Variants in HEATR4 observed in about 807,000 individuals in gnomAD.
The protein encoded by HEATR4 is HEAT repeat containing 4.
In HEATR4, 95 loss-of-function variants were observed where a neutral mutation model predicts 108.8. The ratio of observed to expected loss-of-function variants is 0.87; its 90% CI spans 0.74 to 1.04. The LOEUF (loss-of-function observed/expected upper bound fraction) is 1.04, where lower values mean the gene tolerates loss of function less well. HEATR4 is among the 50% of genes least tolerant of loss of function. HEATR4 has a pLI of 0.00. For synonymous variants in HEATR4, 443 were observed against 459.4 expected, an observed-to-expected ratio of 0.96 and a Z score of 0.46; for missense variants, 1,152 against 1,253.8, an observed-to-expected ratio of 0.92 and a Z score of 1.23.
rs773473559 is a variant in HEATR4, at chr14:73,509,457, G to A, written c.1575C>T (p.Asp525=). The A allele has an allele frequency of 5.6e-6, 9 of 1,613,836 alleles. No homozygotes were observed. The Admixed American group carries it at 1.2e-4, about 21-fold the overall frequency. ...GGGCAGGCAGTAGAACCTCCGGCAA[G>A]TCCTGGATGGTCTTGTCTGTGATCA... ...SQRDSDKTIQ[D]LPEVLLPALE... Residue 525 remains aspartate (D), a synonymous_variant, in exon 8 of 18, where the codon GAC becomes GAT. Coordinates refer to ENST00000553558, the MANE Select transcript of HEATR4 (RefSeq NM_001220484.1).
At chr14:73,541,430 A>G in intron 1 of HEATR4, 1 of 1,196,570 alleles carries the variant, frequency 8.4e-7, no homozygotes, top group Middle Eastern at 2.3e-4. Context: ...TTAACTTGGT[A>G]AGAAACCATC....
In HEATR4 at chr14:73,511,987, G is replaced by C; in HGVS notation, c.1558+19C>G. On this transcript the variant is annotated intron_variant, in intron 7 of 17. Transcript: ENST00000553558. ...TATGAGTTGCTTATGTTCTCAAGCAGTTCAGCTTTGGCTCTCACCTGAGTC... is the reference window on the plus strand; with the variant it reads ...TATGAGTTGCTTATGTTCTCAAGCACTTCAGCTTTGGCTCTCACCTGAGTC... The C allele has an allele frequency of 6.2e-7, 1 of 1,613,732 alleles. No individual in the cohort carries two copies. Among genetic ancestry groups the C allele is most frequent in the Non-Finnish European group, 8.5e-7 (1 of 1,179,854 alleles).
chr14:73,570,027 C>T, the HEATR4 span: 4 of 1,318,408 alleles, frequency 3.0e-6, no homozygotes, highest in Non-Finnish European at 4.0e-6. Context: ...TTCCTGGTCT[C>T]CAGCTATCTT....
At chr14:73,490,173 T>C (rs770492328) in intron 17 of HEATR4, among the ~76,000 whole-genome samples, 6 of 152,236 alleles carry the variant, frequency 3.9e-5, no homozygotes, top group Non-Finnish European at 8.8e-5. Context: ...TCGCCCAGGC[T>C]GGAGTGCAAT....
rs1048831716 is a variant in HEATR4 at position 73,492,122 on chromosome 14, C to G, written c.2844+944G>C. 6.2e-7 allele frequency: 1 copy of G among 1,613,966 alleles called. No homozygotes were observed. The highest frequency in any genetic ancestry group is 1.7e-5 in the Admixed American group (1 of 60,010). On this transcript the variant is annotated intron_variant, in intron 17 of 17. Transcript: ENST00000553558. The surrounding 1 kb of genome is among the most constrained non-coding windows in gnomAD (Gnocchi z 4.9). ...CCGACCCCGAGTCCCAACCGAGGAA[C>G]TGGCTCTGACATCCAGCCCCAACTT...
At chr14:73,592,069 C>A in the HEATR4 span, 1 of 1,482,768 alleles carries the variant, frequency 6.7e-7, no homozygotes, top group Non-Finnish European at 8.9e-7. Flanking sequence ...CTGCGCGCGT[C>A]CCTGCGCGAC....
the HEATR4 span, among the ~76,000 whole-genome samples, chr14:73,597,738 T>C: frequency 6.6e-6 from 1 of 151,396 alleles, no homozygotes; most frequent in Non-Finnish European, 1.5e-5. Flanking sequence ...GGACTACAGG[T>C]ACCTGCCACC....
At chr14:73,572,334 C>CA in the HEATR4 span, among the ~76,000 whole-genome samples, 1 of 151,056 alleles carries the variant, frequency 6.6e-6, no homozygotes, top group East Asian at 1.9e-4. Flanking sequence ...TCAAGATATA[C>CA]AAAAGAAAAG....
In HEATR4 at chr14:73,522,804, C is replaced by T; in HGVS notation, c.349G>A (p.Val117Ile). 6.2e-7 allele frequency: 1 copy of T among 1,614,208 alleles called. No homozygotes were observed. Among genetic ancestry groups the T allele is most frequent in the South Asian group, 1.1e-5 (1 of 91,086 alleles). Reference sequence around the variant, plus strand: ...GAGGAACCCAGGAACTTGAAGCTAACAGGTTTCTGAGGCCGGGCCTTCCTG... The same window carrying T: ...GAGGAACCCAGGAACTTGAAGCTAATAGGTTTCTGAGGCCGGGCCTTCCTG... ...QIRKARPQKP[V>I]SFKFLGSSSP... Residue 117 changes from valine to isoleucine, a missense_variant, in exon 3 of 18, where the codon GTT becomes ATT. Physicochemically the swap from Val to Ile is conservative, Grantham distance 29 (BLOSUM62 3). Transcript: ENST00000553558.
intron 9 of HEATR4, among the ~76,000 whole-genome samples, chr14:73,507,284 T>C (rs1305332653): frequency 6.6e-6 from 1 of 152,172 alleles, no homozygotes; most frequent in Non-Finnish European, 1.5e-5. Flanking sequence ...ATAGAGACCA[T>C]TTGCAACCTA....
intron 1 of HEATR4, chr14:73,537,335 C>T (rs1888894503): frequency 8.9e-7 from 1 of 1,129,870 alleles, no homozygotes; most frequent in South Asian, 1.5e-5. Context: ...TAGCCTGCGA[C>T]GGCAGCCCGA....
At chr14:73,543,174 G>C (rs1186977555) in intron 1 of HEATR4, 1 of 1,605,424 alleles carries the variant, frequency 6.2e-7, no homozygotes, top group Non-Finnish European at 8.5e-7. Context: ...GCCAATGTTG[G>C]GGGAACCTTA....
the HEATR4 span, among the ~76,000 whole-genome samples, chr14:73,602,474 G>A: frequency 2.0e-5 from 3 of 152,094 alleles, no homozygotes; most frequent in Non-Finnish European, 4.4e-5. Context: ...CCAAGCAGCT[G>A]GTCCCTTCTT....
chr14:73,533,944 T>C (rs1311407718), intron 1 of HEATR4, among the ~76,000 whole-genome samples: 1 of 105,832 alleles, frequency 9.4e-6, no homozygotes, highest in Admixed American at 1.1e-4. Flanking sequence ...CCCAGCACTT[T>C]GGGAAGATGA....
chr14:73,559,468 C>T (rs557085925), upstream of HEATR4, among the ~76,000 whole-genome samples: 111 of 152,046 alleles, frequency 7.3e-4, 3 homozygotes, highest in Non-Finnish European at 1.4e-3. Context: ...CGATGGCTCA[C>T]GCCTGCAATT....
chr14:73,484,938 T>C (rs1595075973), intron 17 of HEATR4, among the ~76,000 whole-genome samples: 1 of 151,848 alleles, frequency 6.6e-6, no homozygotes, highest in Admixed American at 6.6e-5. Context: ...CTGAGGCAGG[T>C]GGATCACCTG....
At chr14:73,511,516 C>A (rs1887251249) in intron 7 of HEATR4, among the ~76,000 whole-genome samples, 1 of 139,966 alleles carries the variant, frequency 7.1e-6, no homozygotes, top group African/African-American at 2.6e-5. Flanking sequence ...AAGACTCTGT[C>A]TCAAAAATAA....
chr14:73,529,696 C>T (rs1888588474), intron 2 of HEATR4, among the ~76,000 whole-genome samples: 2 of 152,172 alleles, frequency 1.3e-5, no homozygotes, highest in African/African-American at 2.4e-5. Context: ...TGGTCTGATA[C>T]CTTTATCCTG....
the HEATR4 span, among the ~76,000 whole-genome samples, chr14:73,613,882 T>C: frequency 2.0e-5 from 3 of 152,076 alleles, no homozygotes; most frequent in East Asian, 1.9e-4. Flanking sequence ...ATTCCTGACT[T>C]AAACCTCTAC....
Sources: gnomAD v4.1 joint callset for allele counts (sites outside exome capture counted in the v4.1 genomes callset) on GRCh38, gnomAD v4.1.1 for gene constraint, Gnocchi (gnomAD v3.1) non-coding constraint, MANE v1.5 for transcripts, NCBI Gene and HGNC (gene_info 2026-07-23, HGNC 2026-07-21) for gene names.